RPL3: variants seen among roughly 807,000 people sequenced by gnomAD.
RPL3 encodes the protein large ribosomal subunit protein uL3.
In RPL3, 3 loss-of-function variants were observed where a neutral mutation model predicts 46.0. That is an observed-to-expected ratio of 0.07 (90% CI 0.03 to 0.17). The LOEUF (loss-of-function observed/expected upper bound fraction) is 0.17. Among genes scored for constraint, RPL3 ranks in the 10% least tolerant of loss-of-function variants. The pLI is 1.00. For missense variants in RPL3, 387 were observed against 532.7 expected, an observed-to-expected ratio of 0.73 and a Z score of 2.69; for synonymous variants, 224 against 190.8, an observed-to-expected ratio of 1.17 and a Z score of -1.43.
chr22:39,315,678 A>C, intron 4 of RPL3, 123 bp from the exon 5 acceptor site: 1 of 1,155,402 alleles, frequency 8.7e-7, no homozygotes, highest in East Asian at 2.5e-5. Flanking sequence ...ACTCTGAACA[A>C]GTCACTGAAC....
chr22:39,317,405 C>G, intron 3 of RPL3, 56 bp downstream of exon 3: 1 of 1,574,874 alleles, frequency 6.3e-7, no homozygotes, highest in Non-Finnish European at 8.7e-7. Context: ...CACGCTGCTC[C>G]CTGCTCTCCA....
chr22:39,318,867 T>C (rs2146520901), intron 1 of RPL3, among the ~76,000 whole-genome samples: 1 of 152,172 alleles, frequency 6.6e-6, no homozygotes, highest in East Asian at 1.9e-4. Flanking sequence ...ATACACTAAG[T>C]AGTGGCACTA....
chr22:39,314,964 A>C, intron 5 of RPL3, 118 bp from the exon 6 acceptor site: 8 of 1,399,252 alleles, frequency 5.7e-6, no homozygotes, highest in Non-Finnish European at 6.9e-6. Context: ...AGATTATTTC[A>C]TGTGCATTAC....
At chr22:39,313,552 C>T in intron 8 of RPL3, 82 bp downstream of exon 8, 2 of 1,407,728 alleles carry the variant, frequency 1.4e-6, no homozygotes, top group Non-Finnish European at 2.0e-6. Context: ...CTTTCCTCTC[C>T]CACCACAGGG....
chr22:39,315,343 G>C (rs775888728), intron 5 of RPL3, 26 bp downstream of exon 5: 3 of 1,613,874 alleles, frequency 1.9e-6, no homozygotes, highest in Admixed American at 1.7e-5. Flanking sequence ...GGTTTGCACA[G>C]CAACTCAAGC....
chr22:39,316,662 TCTA>T, intron 4 of RPL3, 41 bp downstream of exon 4: 1 of 1,611,474 alleles, frequency 6.2e-7, no homozygotes, highest in South Asian at 1.1e-5. Context: ...ATAGGTCACT[TCTA>T]CTAAGTGGCA....
chr22:39,317,204 T>G (rs1467902844), intron 3 of RPL3: 1 of 569,650 alleles, frequency 1.8e-6, no homozygotes, highest in Non-Finnish European at 3.1e-6. Flanking sequence ...CTCTCCTGGT[T>G]TCTAGTTGGA....
At position 39,317,466 on chromosome 22, in the gene RPL3, C is replaced by T. The variant is rs1446095869; in HGVS notation, c.360G>A (p.Lys120=). 4 of 1,613,504 alleles carry T rather than the reference C, an allele frequency of 2.5e-6. No homozygotes were observed. In the South Asian group the frequency reaches 4.4e-5, roughly 18 times the overall value. Reference sequence around the variant, plus strand: ...TGCATGGCCTCCTCCCTTACCAATTCTTATAGAAACGCCTCTTGCATTCAT... The same window carrying T: ...TGCATGGCCTCCTCCCTTACCAATTTTTATAGAAACGCCTCTTGCATTCAT... ...ISDECKRRFY[K]NWHKSKKKAF... is the part of the protein sequence containing the mutation. The change falls in exon 3 of 10, where the codon AAG becomes AAA. Residue 120 remains lysine, a synonymous_variant. Transcript: ENST00000216146.
chr22:39,314,329 A>T (rs945822491), intron 6 of RPL3, 121 bp from the exon 7 acceptor site: 20 of 867,116 alleles, frequency 2.3e-5, no homozygotes, highest in Non-Finnish European at 3.4e-5. Flanking sequence ...GTCACAGCGT[A>T]TCCCAAGGTC....
intron 1 of RPL3, chr22:39,319,272 G>T (rs1922901229): frequency 1.9e-6 from 1 of 519,066 alleles, no homozygotes; most frequent in Non-Finnish European, 3.5e-6. Context: ...GCAGGTTATG[G>T]GCCCTAATCC....
chr22:39,316,059 G>C (rs1922667949), intron 4 of RPL3, among the ~76,000 whole-genome samples: 1 of 152,158 alleles, frequency 6.6e-6, no homozygotes, highest in African/African-American at 2.4e-5. Flanking sequence ...GACCAACATG[G>C]AGAAACCCCG....
chr22:39,315,552 G>C lies in RPL3; in HGVS notation c.505C>G (p.Arg169Gly). 3.1e-6 allele frequency: 5 copies of C among 1,613,928 alleles called. No homozygotes were observed. The highest frequency in any genetic ancestry group is 4.2e-6 in the Non-Finnish European group (5 of 1,180,030). ...TTCTTCTGGCGCAGAGGAAGCAGGCGCATCTAGGAGAAGGTAGACACAGCT... is the reference window on the plus strand; with the variant it reads ...TTCTTCTGGCGCAGAGGAAGCAGGCCCATCTAGGAGAAGGTAGACACAGCT... ...VIRVIAHTQM[R>G]LLPLRQKKAH... is the part of the protein sequence containing the mutation. Residue 169 changes from arginine (R) to glycine (G), a missense_variant, in exon 5 of 10, where the codon CGC (arginine) becomes GGC (glycine). Arg to Gly is a moderately radical substitution (Grantham distance 125). This residue lies in a region of RPL3 where 196 missense variants were observed against 217.5 expected (regional missense o/e 0.90). Transcript: ENST00000216146.
At position 39,315,428 on chromosome 22, in the gene RPL3, A is replaced by C. The variant is rs780258126; in HGVS notation, c.629T>G (p.Val210Gly). 5 of 1,613,834 alleles carry C rather than the reference A, an allele frequency of 3.1e-6. No individual in the cohort carries two copies. The highest frequency in any genetic ancestry group is 4.2e-6 in the Non-Finnish European group (5 of 1,180,002). The change falls in exon 5 of 10, where the codon GTG becomes GGG. Residue 210 changes from valine (V) to glycine (G), a missense_variant. Val to Gly is a moderately radical substitution (Grantham distance 109). Transcript: ENST00000216146. ...GTCGATCATCTCATCCTGCCCAAAC[A>C]CTTGGTTCACAGGTACCTGCTGCTC... is the stretch of plus-strand genomic sequence containing the variant. ...RLEQQVPVNQ[V>G]FGQDEMIDVI...
chr22:39,313,136 C>G (rs1011323831), intron 9 of RPL3, 55 bp downstream of exon 9: 1 of 1,598,198 alleles, frequency 6.3e-7, no homozygotes, highest in Non-Finnish European at 8.5e-7. Flanking sequence ...GAGCCAAAGG[C>G]AGGCGGCTGC....
At chr22:39,315,273 C>A in intron 5 of RPL3, 96 bp downstream of exon 5, 1 of 1,486,888 alleles carries the variant, frequency 6.7e-7, no homozygotes, top group Non-Finnish European at 9.4e-7. Context: ...GGGCGCTGTA[C>A]CCAGCGCTCA....
At chr22:39,318,317 TCTG>T in intron 2 of RPL3, 80 bp downstream of exon 2, 1 of 1,461,848 alleles carries the variant, frequency 6.8e-7, no homozygotes. Context: ...AAGTCTGCCC[TCTG>T]CTAACAGCTT....
At chr22:39,317,791 A>G (rs1484634110) in intron 2 of RPL3, 162 bp from the exon 3 acceptor site, 5 of 703,370 alleles carry the variant, frequency 7.1e-6, no homozygotes, top group Non-Finnish European at 1.2e-5. Flanking sequence ...CTCTCATTCA[A>G]AGCACATTTA....
intron 2 of RPL3, chr22:39,318,091 G>A (rs1377249930): frequency 5.1e-6 from 2 of 393,916 alleles, no homozygotes; most frequent in Non-Finnish European, 9.3e-6. Flanking sequence ...CAGTTCTTAT[G>A]CCAGCCTCAG....
At chr22:39,314,463 C>G (rs1469264299) in intron 6 of RPL3, 2 of 641,102 alleles carry the variant, frequency 3.1e-6, no homozygotes, top group Non-Finnish European at 5.4e-6. Flanking sequence ...ACCAATAAGA[C>G]TAGTATCCCC....
Sources: allele counts gnomAD v4.1 joint callset (sites outside exome capture counted in the v4.1 genomes callset), GRCh38; gene constraint gnomAD v4.1.1; regional missense constraint gnomAD v4.1.1; transcripts MANE v1.5; gene names NCBI Gene and HGNC (gene_info 2026-07-23, HGNC 2026-07-21).